Variants in RBMS1 observed in about 807,000 individuals in gnomAD.
RBMS1 encodes the protein RNA binding motif single stranded interacting protein 1.
In RBMS1, 17 loss-of-function variants were observed where a neutral mutation model predicts 62.3. That is an observed-to-expected ratio of 0.27 (90% confidence interval 0.19 to 0.41). The LOEUF (loss-of-function observed/expected upper bound fraction) is 0.41. RBMS1 is among the 10% of genes least tolerant of loss of function. The probability of loss-of-function intolerance (pLI) is 1.00; values close to 1 mark genes in which losing one functional copy is unlikely to be tolerated. For synonymous variants in RBMS1, 172 were observed against 170.0 expected (o/e 1.01, Z -0.09); for missense variants, 334 against 504.5 (o/e 0.66, Z 3.24).
rs80218575 is a variant in RBMS1, at chr2:160,383,527, A to G, written c.76-16136T>C. On this transcript the variant is annotated intron_variant, in intron 1 of 13. Coordinates refer to ENST00000348849, the MANE Select transcript of RBMS1 (RefSeq NM_016836.4). ...TTTATTTTTAAAAAATAGACAAATA[A>G]TAAGTATACAAAATGATGGAGTACT... 5.8e-3 allele frequency among the ~76,000 whole-genome samples: 877 copies of G among 152,196 alleles called. 5 individuals carry two copies. The highest frequency in any genetic ancestry group is 0.02 in the African/African-American group (821 of 41,492).
chr2:160,323,589 G>A (rs1226027579), intron 2 of RBMS1, among the ~76,000 whole-genome samples: 1 of 132,218 alleles, frequency 7.6e-6, no homozygotes, highest in East Asian at 2.5e-4. Flanking sequence ...CGACCAAACA[G>A]CATGATGTAG....
intron 2 of RBMS1, among the ~76,000 whole-genome samples, chr2:160,342,109 G>A (rs558225252): frequency 6.6e-6 from 1 of 152,108 alleles, no homozygotes; most frequent in African/African-American, 2.4e-5. Flanking sequence ...TTAATACTTG[G>A]CATAATATCA....
chr2:160,432,618 G>GT (rs1486163348), intron 1 of RBMS1: 1 of 152,184 alleles, frequency 6.6e-6, no homozygotes, highest in African/African-American at 2.4e-5. Context: ...TGGCAACTGT[G>GT]TAAGAACTCA....
rs1485004361 is a variant in RBMS1 at position 160,485,387 on chromosome 2, C to T, written c.75+7902G>A. On this transcript the variant is annotated intron_variant, in intron 1 of 13. Transcript: ENST00000348849. ...AAAGCAAAGACGAGTTCCTGGAAAT[C>T]TAACTCTGAAAACTCACCCCTCTCT... 2.0e-5 allele frequency among the ~76,000 whole-genome samples: 3 copies of T among 152,172 alleles called. No homozygotes were observed. In the East Asian group the frequency reaches 5.8e-4, roughly 29 times the overall value.
At chr2:160,326,422 G>A (rs1690931707) in intron 2 of RBMS1, among the ~76,000 whole-genome samples, 1 of 152,192 alleles carries the variant, frequency 6.6e-6, no homozygotes, top group Admixed American at 6.5e-5. Context: ...GGAAGGTCAA[G>A]TTGAGTAAGA....
chr2:160,277,318 T>G lies in RBMS1; in HGVS notation c.1128A>C (p.Thr376=), dbSNP rs772069603. 2 of 1,612,272 alleles carry G rather than the reference T, an allele frequency of 1.2e-6. No homozygotes were observed. The highest frequency in any genetic ancestry group is 1.7e-6 in the Non-Finnish European group (2 of 1,178,362). ...CTCTACCAACCTCAACAGGAACCGC[T>G]GTCGTCTGCATATGTGCATACTGTG... ...YLPQYAHMQT[T]AVPVEEASGQ... Residue 376 remains threonine, a synonymous_variant, in exon 12 of 14, where the codon ACA becomes ACC. Transcript: ENST00000348849.
rs1329806721 is a variant in RBMS1 at position 160,493,455 on chromosome 2, G to C, written c.-92C>G. On this transcript the variant is annotated 5_prime_UTR_variant, in exon 1 of 14. Transcript: ENST00000348849. ...CTGCCTCTCCCTTTCCGGCGGCGGC[G>C]GCAGCGGCGGCGGCGGCGGCGGCTG... 5 of 1,266,114 alleles carry C rather than the reference G, an allele frequency of 3.9e-6. No homozygotes were observed. The highest frequency in any genetic ancestry group is 4.5e-6 in the Non-Finnish European group (4 of 884,636). The allele number at this position is 1,266,114 out of a possible 1,614,324, so 78.4% of individuals were successfully genotyped here.
intron 2 of RBMS1, among the ~76,000 whole-genome samples, chr2:160,345,828 G>C (rs1444940447): frequency 6.6e-6 from 1 of 152,086 alleles, no homozygotes; most frequent in East Asian, 1.9e-4. Flanking sequence ...GTGGTGAGTA[G>C]TGGGAACAAT....
In RBMS1 at chr2:160,377,452, C is replaced by G. The variant is rs541464568; in HGVS notation, c.76-10061G>C. Among the ~76,000 whole-genome samples, 321 of 152,334 alleles carry G rather than the reference C, an allele frequency of 2.1e-3. 1 individual carries two copies. The highest frequency in any genetic ancestry group is 4.2e-3 in the Admixed American group (64 of 15,310). The stretch of plus-strand genomic sequence containing the variant: ...GGGGTGGGGTCAAGTTTCTGCATTT[C>G]TAACACAAGCTTCCAGGTTTTGCTC... On this transcript the variant is annotated intron_variant, in intron 1 of 13. Coordinates refer to ENST00000348849, the MANE Select transcript of RBMS1 (RefSeq NM_016836.4).
chr2:160,421,337 C>T (rs1490960095), intron 1 of RBMS1, among the ~76,000 whole-genome samples: 3 of 151,860 alleles, frequency 2.0e-5, no homozygotes, highest in African/African-American at 7.3e-5. Flanking sequence ...GTGATGTTCC[C>T]CTTCCTGTAT....
At chr2:160,377,352 T>G (rs188157492) in intron 1 of RBMS1, among the ~76,000 whole-genome samples, 1 of 152,288 alleles carries the variant, frequency 6.6e-6, no homozygotes, top group Admixed American at 6.5e-5. Context: ...AAAACAGTGG[T>G]CAGCAGCGTT....
intron 2 of RBMS1, among the ~76,000 whole-genome samples, chr2:160,354,141 G>A (rs539339574): frequency 5.3e-5 from 8 of 152,004 alleles, no homozygotes; most frequent in African/African-American, 1.7e-4. Flanking sequence ...ATTCTGGTGC[G>A]TGTTCCTCGT....
chr2:160,457,436 T>G (rs1684287976), intron 1 of RBMS1, among the ~76,000 whole-genome samples: 1 of 152,188 alleles, frequency 6.6e-6, no homozygotes, highest in African/African-American at 2.4e-5. Flanking sequence ...TATCCTCATT[T>G]TGAAAGGAGT....
In RBMS1 at chr2:160,277,365, C is replaced by T. The variant is rs370065383; in HGVS notation, c.1081G>A (p.Ala361Thr). ...STGTYMPATS[A>T]MQGAYLPQYA... is the part of the protein sequence containing the mutation. ...TGTGGCAAGTAGGCTCCTTGCATAG[C>T]TGACGTTGCAGGCATGTACTAGAAA... The change falls in exon 12 of 14, where the codon GCT (alanine) becomes ACT (threonine). Residue 361 changes from alanine (A) to threonine (T), a missense_variant. This residue lies in a region of RBMS1 where 182 missense variants were observed against 257.7 expected (regional missense o/e 0.71). Coordinates refer to ENST00000348849, the MANE Select transcript of RBMS1 (RefSeq NM_016836.4). The T allele has an allele frequency of 1.9e-5, 30 of 1,613,130 alleles. No individual in the cohort carries two copies. The highest frequency in any genetic ancestry group is 2.5e-5 in the Non-Finnish European group (30 of 1,179,256).
At chr2:160,282,796 T>C (rs995249029) in intron 9 of RBMS1, 2 of 153,712 alleles carry the variant, frequency 1.3e-5, no homozygotes, top group Admixed American at 6.4e-5. Flanking sequence ...CCCCACTTAA[T>C]TGCACACACA....
intron 1 of RBMS1, among the ~76,000 whole-genome samples, chr2:160,464,113 C>T (rs1684581439): frequency 6.6e-6 from 1 of 152,120 alleles, no homozygotes; most frequent in Admixed American, 6.5e-5. Flanking sequence ...AGGAAACACA[C>T]ACCATGCCAC....
At chr2:160,427,304 C>T (rs1329212766) in intron 1 of RBMS1, among the ~76,000 whole-genome samples, 1 of 152,066 alleles carries the variant, frequency 6.6e-6, no homozygotes, top group Non-Finnish European at 1.5e-5. Flanking sequence ...TCCATCATAG[C>T]TAAAACTGTA....
intron 1 of RBMS1, among the ~76,000 whole-genome samples, chr2:160,380,022 T>A (rs1224471372): frequency 6.6e-6 from 1 of 152,216 alleles, no homozygotes; most frequent in Middle Eastern, 3.2e-3. Context: ...AAATCTTTTT[T>A]CTTTGCTGTG....
intron 1 of RBMS1, among the ~76,000 whole-genome samples, chr2:160,380,643 G>T (rs1433047107): frequency 6.6e-6 from 1 of 152,214 alleles, no homozygotes; most frequent in Non-Finnish European, 1.5e-5. Context: ...AGAGCAAAAA[G>T]AATGCATTAA....
Sources: allele counts gnomAD v4.1 joint callset (sites outside exome capture counted in the v4.1 genomes callset), GRCh38; gene constraint gnomAD v4.1.1; regional missense constraint gnomAD v4.1.1; transcripts MANE v1.5; gene names NCBI Gene and HGNC (gene_info 2026-07-23, HGNC 2026-07-21).